Variants in MAP3K15 observed in about 807,000 individuals in gnomAD.
MAP3K15 encodes mitogen-activated protein kinase kinase kinase 15.
MAP3K15 carries 124 observed loss-of-function variants against 99.5 expected under a neutral mutation model. The observed-to-expected ratio is 1.25, with a 90% CI of 1.08 to 1.45. The LOEUF (loss-of-function observed/expected upper bound fraction) is 1.45. MAP3K15 is among the 40% of genes most tolerant of loss of function. The pLI is 0.00. For synonymous variants in MAP3K15, 494 were observed against 439.6 expected, an observed-to-expected ratio of 1.12 and a Z score of -1.55; for missense variants, 1,242 against 1,079.7, an observed-to-expected ratio of 1.15 and a Z score of -2.11.
At chrX:19,361,728 C>T (rs1288382544) in intron 26 of MAP3K15, 135 bp from the exon 27 acceptor site, 1 of 442,489 alleles carries the variant, frequency 2.3e-6, no homozygotes, top group African/African-American at 2.5e-5. Context: ...ATCACTGAAC[C>T]ACGCTAATAC....
chrX:19,499,573 C>T (rs1343115868), intron 1 of MAP3K15, among the ~76,000 whole-genome samples: 1 of 112,305 alleles, frequency 8.9e-6, no homozygotes, highest in Non-Finnish European at 1.9e-5. Context: ...CTAAACTAAC[C>T]GGTATATTCT....
intron 19 of MAP3K15, 149 bp from the exon 20 acceptor site, chrX:19,374,809 A>G (rs2063406056): frequency 4.3e-6 from 2 of 470,587 alleles, no homozygotes; most frequent in South Asian, 4.9e-5. Context: ...TGTTCCTCCC[A>G]CCCCAAGGTG....
At chrX:19,417,346 T>G (rs1433079534) in intron 9 of MAP3K15, among the ~76,000 whole-genome samples, 2 of 112,068 alleles carry the variant, frequency 1.8e-5, no homozygotes, top group Non-Finnish European at 3.8e-5. Flanking sequence ...GCTCCCACCC[T>G]AATACTGCGC....
At chrX:19,412,317 C>G (rs951939890) in intron 11 of MAP3K15, among the ~76,000 whole-genome samples, 3 of 112,249 alleles carry the variant, frequency 2.7e-5, no homozygotes, top group African/African-American at 9.7e-5. Context: ...GGTAACTGTT[C>G]CATAGCTCCT....
chrX:19,488,293 T>C (rs181209562), intron 2 of MAP3K15, among the ~76,000 whole-genome samples: 3 of 112,319 alleles, frequency 2.7e-5, no homozygotes, highest in African/African-American at 9.7e-5. Flanking sequence ...TCAACCATGA[T>C]TGAGTTGTGC....
intron 6 of MAP3K15, among the ~76,000 whole-genome samples, chrX:19,436,416 T>C (rs1024118682): frequency 1.8e-5 from 2 of 111,325 alleles, no homozygotes; most frequent in Non-Finnish European, 3.8e-5. Flanking sequence ...GATTTTCTCC[T>C]ACTTTAGTCC....
chrX:19,442,568 G>T (rs1438504817), intron 6 of MAP3K15, among the ~76,000 whole-genome samples: 2 of 103,452 alleles, frequency 1.9e-5, no homozygotes, highest in Non-Finnish European at 3.9e-5. Context: ...CTGTCGCCCA[G>T]ATTGGAGTAC....
chrX:19,416,462 T>C lies in MAP3K15; in HGVS notation c.1440-1205A>G, dbSNP rs150578380. Among the ~76,000 whole-genome samples, 750 of 112,227 alleles carry C rather than the reference T, an allele frequency of 6.7e-3. 3 individuals carry two copies. Among genetic ancestry groups the C allele is most frequent in the African/African-American group, 0.023 (708 of 30,950 alleles). On this transcript the variant is annotated intron_variant, in intron 9 of 28. Coordinates refer to ENST00000338883, the MANE Select transcript of MAP3K15 (RefSeq NM_001001671.4). ...ACTCACGGTTCTCGTGCATTCTTCA[T>C]TGTATTTAGTGTGACACCATAAACA...
At chrX:19,407,681 A>G (rs1161726512) in intron 12 of MAP3K15, among the ~76,000 whole-genome samples, 2 of 112,542 alleles carry the variant, frequency 1.8e-5, no homozygotes, top group Non-Finnish European at 3.7e-5. Flanking sequence ...GTATCAGGAC[A>G]CAGTATTTGT....
intron 3 of MAP3K15, among the ~76,000 whole-genome samples, chrX:19,468,476 G>A (rs2064183701): frequency 8.9e-6 from 1 of 112,117 alleles, no homozygotes; most frequent in African/African-American, 3.2e-5. Context: ...CAGAAGATTA[G>A]TCAGAAACTT....
chrX:19,473,187 T>C lies in MAP3K15; in HGVS notation c.526-8781A>G, dbSNP rs758524859. On this transcript the variant is annotated intron_variant, in intron 3 of 28. Transcript: ENST00000338883. ...TCCGGAGACTTTGGGAAGGTAAAAA[T>C]ACTTCCTTTGGGAAAGTCTTCCAGA... Among the ~76,000 whole-genome samples, 4 of 112,336 alleles carry C rather than the reference T, an allele frequency of 3.6e-5. No homozygotes were observed. In the South Asian group the frequency reaches 1.5e-3, roughly 41 times the overall value.
rs763914956 is a variant in MAP3K15, at chrX:19,425,558, C to T, written c.1412G>A (p.Arg471Lys). The T allele has an allele frequency of 7.5e-6, 9 of 1,197,999 alleles. No homozygotes were observed. Among genetic ancestry groups the T allele is most frequent in the Non-Finnish European group, 1.0e-5 (9 of 894,040 alleles). ...GACTGGAGGTTTCAGTTTGAACAACCTCTCTGCTGCCTGGACGGCTTTCCC... is the reference window on the plus strand; with the variant it reads ...GACTGGAGGTTTCAGTTTGAACAACTTCTCTGCTGCCTGGACGGCTTTCCC... ...DVGKAVQAAE[R>K]LFKLKPPVWY... The change falls in exon 9 of 29, where the codon AGG becomes AAG. Residue 471 changes from arginine (R) to lysine (K), a missense_variant. Physicochemically the swap from Arg to Lys is conservative, Grantham distance 26. Coordinates refer to ENST00000338883, the MANE Select transcript of MAP3K15 (RefSeq NM_001001671.4).
intron 6 of MAP3K15, among the ~76,000 whole-genome samples, chrX:19,437,995 C>T (rs2063934386): frequency 8.9e-6 from 1 of 112,432 alleles, no homozygotes; most frequent in Non-Finnish European, 1.9e-5. Flanking sequence ...ACTGACAAGA[C>T]AGGTTACTTC....
At chrX:19,438,460 T>C (rs1440878943) in intron 6 of MAP3K15, among the ~76,000 whole-genome samples, 1 of 111,893 alleles carries the variant, frequency 8.9e-6, no homozygotes, top group Non-Finnish European at 1.9e-5. Context: ...GGGAATCATA[T>C]AGAGCTAGAT....
chrX:19,412,590 G>A (rs2063697767), intron 11 of MAP3K15, among the ~76,000 whole-genome samples: 1 of 111,428 alleles, frequency 9.0e-6, no homozygotes, highest in African/African-American at 3.3e-5. Flanking sequence ...GAGGGCTGAA[G>A]AGAAAGAGGA....
intron 3 of MAP3K15, among the ~76,000 whole-genome samples, chrX:19,480,074 C>G (rs1483044387): frequency 9.0e-6 from 1 of 111,533 alleles, no homozygotes; most frequent in African/African-American, 3.3e-5. Flanking sequence ...TAAGTGTAAC[C>G]AAGAAAGTGA....
chrX:19,422,358 A>C (rs1037365535), intron 9 of MAP3K15, among the ~76,000 whole-genome samples: 2 of 112,051 alleles, frequency 1.8e-5, no homozygotes, highest in Non-Finnish European at 3.8e-5. Context: ...ATCCCATCAA[A>C]AAGTGGGCAA....
chrX:19,513,681 C>T (rs1478805481), intron 1 of MAP3K15, among the ~76,000 whole-genome samples: 4 of 111,792 alleles, frequency 3.6e-5, no homozygotes, highest in African/African-American at 9.7e-5. Flanking sequence ...AGCAACTTCC[C>T]ATATCCTATC....
intron 11 of MAP3K15, among the ~76,000 whole-genome samples, chrX:19,413,087 A>T: frequency 9.5e-6 from 1 of 105,239 alleles, no homozygotes; most frequent in East Asian, 3.0e-4. Flanking sequence ...AAAACAAACC[A>T]ACCTGTATTT....
Sources: gnomAD v4.1 joint callset for allele counts (sites outside exome capture counted in the v4.1 genomes callset) on GRCh38, gnomAD v4.1.1 for gene constraint, MANE v1.5 for transcripts, NCBI Gene and HGNC (gene_info 2026-07-23, HGNC 2026-07-21) for gene names.